Variants in GPC6 observed in about 807,000 individuals in gnomAD.
GPC6 encodes the protein glypican-6.
A neutral mutation model predicts 55.2 loss-of-function variants in GPC6; 14 were observed. That is an observed-to-expected ratio of 0.25 (90% CI 0.17 to 0.40). The LOEUF (loss-of-function observed/expected upper bound fraction) is 0.40. GPC6 is among the 10% of genes least tolerant of loss of function. The pLI is 1.00. For synonymous variants in GPC6, 278 were observed against 259.6 expected (o/e 1.07, Z -0.68); for missense variants, 641 against 708.5 (o/e 0.90, Z 1.08).
rs939090880 is a variant in GPC6 at position 93,360,053 on chromosome 13, A to G, written c.160+132437A>G. 2.0e-5 allele frequency among the ~76,000 whole-genome samples: 3 copies of G among 152,316 alleles called. No individual in the cohort carries two copies. In the East Asian group the frequency reaches 5.8e-4, roughly 29 times the overall value. On this transcript the variant is annotated intron_variant, in intron 1 of 8. Coordinates refer to ENST00000377047, the MANE Select transcript of GPC6 (RefSeq NM_005708.5). ...TTTTTCAAAGGGGAAACTCAGGAAC[A>G]TGATTGTAAAGAAAATGTCTAGTTC...
intron 1 of GPC6, among the ~76,000 whole-genome samples, chr13:93,406,872 A>G (rs1018718151): frequency 3.3e-5 from 5 of 152,184 alleles, no homozygotes; most frequent in Admixed American, 2.0e-4. Flanking sequence ...AAAAGTGTCA[A>G]TTTCATGAAA....
chr13:93,392,916 T>A (rs1486719549), intron 1 of GPC6, among the ~76,000 whole-genome samples: 1 of 150,986 alleles, frequency 6.6e-6, no homozygotes, highest in Non-Finnish European at 1.5e-5. Flanking sequence ...AACCCGTGTA[T>A]TTTAAGCAAA....
intron 6 of GPC6, among the ~76,000 whole-genome samples, chr13:94,335,190 A>T (rs902924343): frequency 6.6e-6 from 1 of 152,202 alleles, no homozygotes; most frequent in Non-Finnish European, 1.5e-5. Flanking sequence ...CTATAAAGGG[A>T]AGAAAACAGG....
At position 94,075,843 on chromosome 13, in the gene GPC6, C is replaced by T. The variant is rs142911231; in HGVS notation, c.877+47949C>T. Among the ~76,000 whole-genome samples the T allele has an allele frequency of 1.2e-4, 19 of 152,192 alleles. No homozygotes were observed. The East Asian group carries it at 3.3e-3, about 26-fold the overall frequency. On this transcript the variant is annotated intron_variant, in intron 4 of 8. Coordinates refer to ENST00000377047, the MANE Select transcript of GPC6 (RefSeq NM_005708.5). Reference sequence around the variant, plus strand: ...AATATTCCATTGACTGTATATACTACATCTCTTTATCTATCCATCAGTCCA... The same window carrying T: ...AATATTCCATTGACTGTATATACTATATCTCTTTATCTATCCATCAGTCCA...
At chr13:94,030,726 C>A (rs1422513811) in intron 4 of GPC6, among the ~76,000 whole-genome samples, 3 of 152,120 alleles carry the variant, frequency 2.0e-5, no homozygotes, top group Non-Finnish European at 4.4e-5. Context: ...GCTAGCTACA[C>A]AAATGTCCCA....
At chr13:93,830,892 T>G (rs1201383469) in intron 3 of GPC6, 1 of 246,426 alleles carries the variant, frequency 4.1e-6, no homozygotes, top group African/African-American at 2.3e-5. Flanking sequence ...TGATAAATAC[T>G]CATGAAAGAA....
chr13:93,323,236 C>A (rs1379009024), intron 1 of GPC6, among the ~76,000 whole-genome samples: 5 of 151,988 alleles, frequency 3.3e-5, no homozygotes, highest in Admixed American at 3.3e-4. Flanking sequence ...TTTTGTGATG[C>A]TCACCATTAT....
intron 4 of GPC6, among the ~76,000 whole-genome samples, chr13:94,177,697 G>A (rs1356291362): frequency 6.6e-6 from 1 of 152,008 alleles, no homozygotes; most frequent in Non-Finnish European, 1.5e-5. Context: ...GAAGCATTAA[G>A]AATATTAATA....
intron 4 of GPC6, among the ~76,000 whole-genome samples, chr13:94,274,682 A>G (rs1892148674): frequency 6.6e-6 from 1 of 152,194 alleles, no homozygotes; most frequent in Non-Finnish European, 1.5e-5. Context: ...TTGAAAGTTA[A>G]TGACAAACTT....
chr13:94,288,575 C>G (rs1405213220), intron 5 of GPC6, among the ~76,000 whole-genome samples: 1 of 89,088 alleles, frequency 1.1e-5, no homozygotes, highest in Non-Finnish European at 2.1e-5. Context: ...ACTTGTTCAG[C>G]AACATGGTCT....
chr13:94,077,093 G>A (rs1884943884), intron 4 of GPC6, among the ~76,000 whole-genome samples: 1 of 151,382 alleles, frequency 6.6e-6, no homozygotes, highest in Non-Finnish European at 1.5e-5. Flanking sequence ...AACAGTAACA[G>A]TATTAAGTTT....
rs1384089765 is a variant in GPC6, at chr13:93,789,505, C to CTATATA, written c.320-40648_320-40647insATATAT. ...GAACTCTCTCTCTCTCTCTCTCTCT[C>CTATATA]TCTCTATATATATATATATATATAT... On this transcript the variant is annotated intron_variant, in intron 2 of 8. Coordinates refer to ENST00000377047, the MANE Select transcript of GPC6 (RefSeq NM_005708.5). Among the ~76,000 whole-genome samples the CTATATA allele has an allele frequency of 2.0e-4, 16 of 80,270 alleles. No homozygotes were observed. In the East Asian group the frequency reaches 2.8e-3, roughly 14 times the overall value. The allele number at this position is 80,270 out of a possible 152,430, so 52.7% of individuals were successfully genotyped here. A position where few individuals can be genotyped will look rare whatever the true frequency, so the allele number is the denominator to read the frequency against.
intron 3 of GPC6, chr13:94,025,567 T>C (rs984097498): frequency 6.6e-6 from 1 of 152,076 alleles, no homozygotes; most frequent in East Asian, 1.9e-4. Flanking sequence ...TCAGGTGAGA[T>C]TGGGTGCATT....
At chr13:93,849,488 A>C (rs1279205732) in intron 3 of GPC6, among the ~76,000 whole-genome samples, 1 of 152,126 alleles carries the variant, frequency 6.6e-6, no homozygotes, top group East Asian at 1.9e-4. Context: ...TAAGCTGAGA[A>C]GGCCCATCTC....
At chr13:93,384,415 AT>A (rs1260327762) in intron 1 of GPC6, among the ~76,000 whole-genome samples, 1 of 152,010 alleles carries the variant, frequency 6.6e-6, no homozygotes, top group Non-Finnish European at 1.5e-5. Flanking sequence ...GGCAAAACAA[AT>A]TAATTCTGGT....
chr13:94,319,818 T>C (rs1876724243), intron 6 of GPC6, among the ~76,000 whole-genome samples: 1 of 152,202 alleles, frequency 6.6e-6, no homozygotes, highest in Admixed American at 6.5e-5. Flanking sequence ...CCTTTGTTGT[T>C]ATATAATTTC....
chr13:94,162,639 T>A (rs1468273752), intron 4 of GPC6, among the ~76,000 whole-genome samples: 1 of 152,152 alleles, frequency 6.6e-6, no homozygotes, highest in Non-Finnish European at 1.5e-5. Flanking sequence ...ATGACTGCCA[T>A]TTTTAGTTTC....
In GPC6 at chr13:94,330,368, C is replaced by T. The variant is rs1198272343; in HGVS notation, c.1152+24245C>T. 2.0e-5 allele frequency among the ~76,000 whole-genome samples: 3 copies of T among 152,178 alleles called. No homozygotes were observed. The East Asian group carries it at 5.8e-4, about 29-fold the overall frequency. The stretch of plus-strand genomic sequence containing the variant: ...TCAGGAACTCTCAGTCTTGACTGTA[C>T]ATGAAAATTACCTGGGAAACATTAA... On this transcript the variant is annotated intron_variant, in intron 6 of 8. Transcript: ENST00000377047.
intron 6 of GPC6, among the ~76,000 whole-genome samples, chr13:94,330,528 C>T (rs900191814): frequency 3.3e-5 from 5 of 152,148 alleles, no homozygotes; most frequent in African/African-American, 1.2e-4. Flanking sequence ...TCCCCAAGTC[C>T]TTGTTTATCA....
Sources: gnomAD v4.1 joint callset for allele counts (sites outside exome capture counted in the v4.1 genomes callset) on GRCh38, gnomAD v4.1.1 for gene constraint, MANE v1.5 for transcripts, NCBI Gene and HGNC (gene_info 2026-07-23, HGNC 2026-07-21) for gene names.